CPXM2: variants seen among roughly 807,000 people sequenced by gnomAD.
The protein encoded by CPXM2 is carboxypeptidase X, M14 family member 2.
In CPXM2, 66 loss-of-function variants were observed where a neutral mutation model predicts 86.1. The ratio of observed to expected loss-of-function variants is 0.77; its 90% CI spans 0.63 to 0.94. CPXM2 has a LOEUF of 0.94. Ranked by LOEUF, CPXM2 falls within the 40% of genes least tolerant of loss-of-function variation. The pLI is 0.00. For missense variants in CPXM2, 948 were observed against 1,026.3 expected (o/e 0.92, Z 1.04); for synonymous variants, 388 against 400.2 (o/e 0.97, Z 0.36).
intron 6 of CPXM2, among the ~76,000 whole-genome samples, chr10:123,785,456 G>T (rs1025126745): frequency 6.6e-6 from 1 of 152,024 alleles, no homozygotes; most frequent in Non-Finnish European, 1.5e-5. Flanking sequence ...CAACCAACTT[G>T]TCCCAGATTT....
At chr10:123,789,904 G>C (rs1847167702) in intron 6 of CPXM2, among the ~76,000 whole-genome samples, 1 of 152,098 alleles carries the variant, frequency 6.6e-6, no homozygotes, top group Admixed American at 6.5e-5. Flanking sequence ...GGATCACGAG[G>C]TCAGGAGATC....
Position 123,891,478 on chromosome 10 carries a change from A to T in CPXM2, c.182T>A (p.Leu61Gln). ...CCACTCCTCCCCGGGCCCCGCAGGCAGCGGCGGAGAGAAGGTCTCGAGCTC... is the reference window on the plus strand; with the variant it reads ...CCACTCCTCCCCGGGCCCCGCAGGCTGCGGCGGAGAGAAGGTCTCGAGCTC... ...EPELETFSPP[L>Q]PAGPGEEWER... Residue 61 changes from leucine (L) to glutamine (Q), a missense_variant, in exon 1 of 14, where the codon CTG becomes CAG. Transcript: ENST00000241305. This position sits in a 1 kb window ranked among gnomAD's most constrained non-coding sequence, Gnocchi z 5.6. 6.5e-7 allele frequency: 1 copy of T among 1,548,510 alleles called. No individual in the cohort carries two copies. Among genetic ancestry groups the T allele is most frequent in the East Asian group, 2.5e-5 (1 of 40,766 alleles).
At chr10:123,909,570 C>T (rs78740841) in intron 2 of CPXM2, among the ~76,000 whole-genome samples, 4 of 152,134 alleles carry the variant, frequency 2.6e-5, no homozygotes, top group Admixed American at 6.5e-5. Flanking sequence ...TTTGCTGGGC[C>T]GTTCAAAGCC....
chr10:123,795,121 A>T (rs748419248), intron 6 of CPXM2, among the ~76,000 whole-genome samples: 1 of 152,160 alleles, frequency 6.6e-6, no homozygotes, highest in African/African-American at 2.4e-5. Flanking sequence ...TTACCACTTG[A>T]CCATTTTTCC....
In CPXM2 at chr10:123,798,028, A is replaced by T; in HGVS notation, c.837T>A (p.Phe279Leu). 1 of 1,610,088 alleles carries T rather than the reference A, an allele frequency of 6.2e-7. No homozygotes were observed. The highest frequency in any genetic ancestry group is 8.5e-7 in the Non-Finnish European group (1 of 1,177,958). Residue 279 changes from phenylalanine to leucine, a missense_variant, in exon 6 of 14, where the codon TTT becomes TTA. By Grantham distance (22) the Phe-to-Leu change is conservative. Coordinates refer to ENST00000241305, the MANE Select transcript of CPXM2 (RefSeq NM_198148.3). ...TTCTCATGCAGATGCTCCCATTATC[A>T]AACCAGGACTGAGGGTTTATGCGGA... ...RYIRINPQSWFDNGSICMRME... is the reference protein window; with the variant it reads ...RYIRINPQSWLDNGSICMRME...
chr10:123,768,439 T>C, intron 9 of CPXM2, 87 bp downstream of exon 9: 1 of 817,288 alleles, frequency 1.2e-6, no homozygotes, highest in East Asian at 3.1e-5. Context: ...GAAGGTGGAA[T>C]TTTGCATAGC....
rs1848961642 is a variant in CPXM2, at chr10:123,865,743, G to T, written c.404-3020C>A. Among the ~76,000 whole-genome samples, 2 of 152,174 alleles carry T rather than the reference G, an allele frequency of 1.3e-5. No homozygotes were observed. The highest frequency in any genetic ancestry group is 1.3e-4 in the Admixed American group (2 of 15,278). ...CTGCAGCTACTGCCCAGAGCTGAGG[G>T]TGAACACAGCTCAGGCAGGCTCGCC... On this transcript the variant is annotated intron_variant, in intron 2 of 13. Transcript: ENST00000241305. This position sits in a 1 kb window ranked among gnomAD's most constrained non-coding sequence, Gnocchi z 4.7.
chr10:123,942,801 A>G (rs1048781853), upstream of CPXM2, among the ~76,000 whole-genome samples: 1 of 152,168 alleles, frequency 6.6e-6, no homozygotes, highest in Non-Finnish European at 1.5e-5. Flanking sequence ...ACTAGTCCCA[A>G]ATTTTCTTGT....
chr10:123,930,370 G>A (rs2134286199), intron 2 of CPXM2, among the ~76,000 whole-genome samples: 1 of 152,364 alleles, frequency 6.6e-6, no homozygotes, highest in African/African-American at 2.4e-5. Context: ...ATACTGGGGT[G>A]TGCTGCTTCC....
At chr10:123,888,737 T>A (rs903927700) in intron 1 of CPXM2, among the ~76,000 whole-genome samples, 8 of 152,128 alleles carry the variant, frequency 5.3e-5, no homozygotes, top group Admixed American at 2.0e-4. Flanking sequence ...GTTAAAAATA[T>A]GAGATAAATG....
intron 4 of CPXM2, among the ~76,000 whole-genome samples, chr10:123,816,673 C>T (rs919342502): frequency 6.6e-6 from 1 of 152,236 alleles, no homozygotes; most frequent in Non-Finnish European, 1.5e-5. Flanking sequence ...ATTGACTTGG[C>T]AAATGCCTTT....
In CPXM2 at chr10:123,913,696, G is replaced by A. The variant is rs1590119458; in HGVS notation, n.174+25781C>T. On this transcript the variant is annotated intron_variant and non_coding_transcript_variant, in intron 2 of 19. Transcript: ENST00000368854. ...GGCAAGTGGGTGTGAGGAGAGGAAG[G>A]AAAGACGAGGGGTGGGGAGCGAGAA... is the stretch of plus-strand genomic sequence containing the variant. The A allele has an allele frequency of 2.5e-5, 5 of 201,792 alleles. No individual in the cohort carries two copies. In the South Asian group the frequency reaches 3.2e-4, roughly 13 times the overall value. 12.5% of individuals were successfully genotyped at this position (201,792 alleles called of 1,614,324 possible).
intron 2 of CPXM2, among the ~76,000 whole-genome samples, chr10:123,935,992 CCAT>C (rs1945714705): frequency 3.9e-4 from 1 of 2,582 alleles, no homozygotes; most frequent in Non-Finnish European, 6.6e-4. Flanking sequence ...ACTACCACCA[CCAT>C]CACCAGCATC....
Position 123,745,967 on chromosome 10 carries a change from G to A in CPXM2, c.*797C>T, listed in dbSNP as rs1845963174. 6.6e-6 allele frequency: 1 copy of A among 152,054 alleles called. No homozygotes were observed. The highest frequency in any genetic ancestry group is 2.4e-5 in the African/African-American group (1 of 41,422). 9.4% of individuals were successfully genotyped at this position (152,054 alleles called of 1,614,324 possible). A position where few individuals can be genotyped will look rare whatever the true frequency, so the allele number is the denominator to read the frequency against. ...TCCAGTCCTAGCAGGTAAAAGAGGA[G>A]ATCCAGGCTAAATTTTCTGGCCCTT... On this transcript the variant is annotated 3_prime_UTR_variant, in exon 14 of 14. Transcript: ENST00000241305.
chr10:123,853,195 C>T (rs553486829), intron 3 of CPXM2, among the ~76,000 whole-genome samples: 39 of 152,300 alleles, frequency 2.6e-4, no homozygotes, highest in Non-Finnish European at 1.6e-4. Context: ...CTTCACTTTC[C>T]GCCATGACTG....
upstream of CPXM2, among the ~76,000 whole-genome samples, chr10:123,942,565 T>C (rs1487705976): frequency 6.6e-6 from 1 of 152,216 alleles, no homozygotes. Context: ...TTGCCACATC[T>C]GGAAGTTACC....
At chr10:123,815,089 G>T (rs1273660682) in intron 4 of CPXM2, among the ~76,000 whole-genome samples, 1 of 152,164 alleles carries the variant, frequency 6.6e-6, no homozygotes, top group African/African-American at 2.4e-5. Flanking sequence ...CTCATGACAG[G>T]CAAGGAGTTT....
At chr10:123,928,929 A>C (rs1171384133) in intron 2 of CPXM2, among the ~76,000 whole-genome samples, 1 of 152,240 alleles carries the variant, frequency 6.6e-6, no homozygotes, top group Non-Finnish European at 1.5e-5. Flanking sequence ...TTATTATACA[A>C]CAGTGGTAAC....
At chr10:123,799,019 C>T in intron 5 of CPXM2, 96 bp downstream of exon 5, 1 of 1,419,448 alleles carries the variant, frequency 7.0e-7, no homozygotes, top group South Asian at 1.2e-5. Context: ...ACAGAGAATC[C>T]ACAAATCTCC....
Sources: allele counts gnomAD v4.1 joint callset (sites outside exome capture counted in the v4.1 genomes callset), GRCh38; gene constraint gnomAD v4.1.1; non-coding constraint Gnocchi (gnomAD v3.1); transcripts MANE v1.5; gene names NCBI Gene and HGNC (gene_info 2026-07-23, HGNC 2026-07-21).